Variants in TDRD5 observed in about 807,000 individuals in gnomAD.
The protein encoded by TDRD5 is tudor domain-containing protein 5.
TDRD5 carries 41 observed loss-of-function variants against 120.6 expected under a neutral mutation model. The observed-to-expected ratio is 0.34, with a 90% confidence interval of 0.26 to 0.44. The LOEUF is 0.44. TDRD5 is among the 20% of genes least tolerant of loss of function. The pLI is 1.00. For synonymous variants in TDRD5, 430 were observed against 433.7 expected (o/e 0.99, Z 0.11); for missense variants, 1,006 against 1,221.2 (o/e 0.82, Z 2.63).
chr1:179,635,202 C>T (rs993186869), intron 8 of TDRD5, among the ~76,000 whole-genome samples: 1 of 152,016 alleles, frequency 6.6e-6, no homozygotes, highest in African/African-American at 2.4e-5. Flanking sequence ...GAAGGAAGGC[C>T]TAGAGGAAAA....
intron 4 of TDRD5, among the ~76,000 whole-genome samples, chr1:179,611,216 A>G (rs1676258813): frequency 6.6e-6 from 1 of 151,860 alleles, no homozygotes; most frequent in Admixed American, 6.6e-5. Context: ...ATACTTGGCT[A>G]ATTTTGGTAT....
chr1:179,644,489 C>T (rs1678232522), intron 11 of TDRD5, among the ~76,000 whole-genome samples: 1 of 152,034 alleles, frequency 6.6e-6, no homozygotes, highest in African/African-American at 2.4e-5. Flanking sequence ...ATGTAATACT[C>T]ATTTTGTAAA....
chr1:179,635,925 C>G (rs771487980), intron 9 of TDRD5, 38 bp downstream of exon 9: 6 of 1,575,368 alleles, frequency 3.8e-6, no homozygotes, highest in Admixed American at 3.5e-5. Context: ...TTTCACATGT[C>G]TCTTAAATCA....
intron 12 of TDRD5, 30 bp downstream of exon 12, chr1:179,651,097 T>C (rs759652522): frequency 1.9e-6 from 3 of 1,608,370 alleles, no homozygotes; most frequent in South Asian, 2.2e-5. Flanking sequence ...TTTTGTAATA[T>C]ATTTTGTTTA....
At chr1:179,618,838 A>G (rs954464870) in intron 5 of TDRD5, among the ~76,000 whole-genome samples, 156 bp downstream of exon 5, 3 of 152,192 alleles carry the variant, frequency 2.0e-5, no homozygotes, top group Non-Finnish European at 4.4e-5. Context: ...AAGAAACAAA[A>G]TACGTACTCC....
chr1:179,661,928 A>T (rs549946287), intron 14 of TDRD5, among the ~76,000 whole-genome samples, 176 bp from the exon 15 acceptor site: 2 of 152,306 alleles, frequency 1.3e-5, no homozygotes, highest in South Asian at 4.1e-4. Flanking sequence ...GACTATAAAG[A>T]TTATATCCTA....
At chr1:179,679,711 T>C (rs1257135574) in intron 17 of TDRD5, among the ~76,000 whole-genome samples, 2 of 125,768 alleles carry the variant, frequency 1.6e-5, no homozygotes, top group South Asian at 2.6e-4. Flanking sequence ...GCCATCTTTT[T>C]CCCCCCATCT....
intron 7 of TDRD5, among the ~76,000 whole-genome samples, chr1:179,632,906 C>T (rs908124347): frequency 1.3e-5 from 2 of 152,146 alleles, no homozygotes; most frequent in Admixed American, 6.5e-5. Context: ...AGAACACTTA[C>T]ATTAGCCTAC....
Position 179,612,364 on chromosome 1 carries a change from G to A in TDRD5, c.832-6235G>A, listed in dbSNP as rs141924081. 3.7e-4 allele frequency among the ~76,000 whole-genome samples: 57 copies of A among 152,228 alleles called. No homozygotes were observed. The East Asian group carries it at 9.3e-3, about 25-fold the overall frequency. On this transcript the variant is annotated intron_variant, in intron 4 of 17. Coordinates refer to ENST00000444136, the MANE Select transcript of TDRD5 (RefSeq NM_001199085.3). The stretch of plus-strand genomic sequence containing the variant: ...CAGTTTAAAGCCTCTTTTGAAAGGC[G>A]TTCAATTTTCTTTATTTTGACTTCT...
intron 3 of TDRD5, among the ~76,000 whole-genome samples, chr1:179,595,390 TTAGA>T (rs1558366174): frequency 6.6e-6 from 1 of 152,124 alleles, no homozygotes; most frequent in South Asian, 2.1e-4. Flanking sequence ...AAGTGGACTT[TTAGA>T]TAGCCCCAAG....
At chr1:179,666,589 TG>T (rs1048709783) in intron 16 of TDRD5, among the ~76,000 whole-genome samples, 29 of 152,352 alleles carry the variant, frequency 1.9e-4, no homozygotes, top group African/African-American at 6.3e-4. Flanking sequence ...TTTGTAGGCT[TG>T]CTCCCTGTGG....
Position 179,670,328 on chromosome 1 carries a change from G to T in TDRD5, c.2860+924G>T, listed in dbSNP as rs552206484. On this transcript the variant is annotated intron_variant, in intron 17 of 17. Transcript: ENST00000444136. ...AATTGCTTGAACCCAGGCGGCAGAG[G>T]TTGCAGTGAGCCGAGATCGTGCCAC... Among the ~76,000 whole-genome samples the T allele has an allele frequency of 7.3e-5, 11 of 151,632 alleles. No homozygotes were observed. In the South Asian group the frequency reaches 8.3e-4, roughly 11 times the overall value.
chr1:179,648,979 A>G (rs2102056128), intron 11 of TDRD5, among the ~76,000 whole-genome samples: 1 of 152,218 alleles, frequency 6.6e-6, no homozygotes, highest in East Asian at 1.9e-4. Flanking sequence ...AGAAACATGG[A>G]TTTACTAAGT....
At chr1:179,684,440 T>C (rs563309819) in intron 17 of TDRD5, among the ~76,000 whole-genome samples, 3 of 152,158 alleles carry the variant, frequency 2.0e-5, no homozygotes, top group Non-Finnish European at 4.4e-5. Context: ...CTTAATCCAG[T>C]CTATCATTGA....
intron 4 of TDRD5, among the ~76,000 whole-genome samples, chr1:179,612,699 C>T (rs940618058): frequency 7.9e-5 from 12 of 151,982 alleles, no homozygotes; most frequent in African/African-American, 1.5e-4. Flanking sequence ...CTTTGGGAGG[C>T]GGAGGTGGGT....
At chr1:179,688,377 C>G (rs1680872359) in intron 17 of TDRD5, among the ~76,000 whole-genome samples, 1 of 143,480 alleles carries the variant, frequency 7.0e-6, no homozygotes, top group Non-Finnish European at 1.6e-5. Flanking sequence ...TTATCCCCCA[C>G]TCTCTTCTGG....
At chr1:179,659,590 T>TGCGC (rs1553332466) in intron 14 of TDRD5, among the ~76,000 whole-genome samples, 7 of 67,130 alleles carry the variant, frequency 1.0e-4, no homozygotes, top group African/African-American at 2.9e-4. Flanking sequence ...TGTGTGTGTG[T>TGCGC]GCGCGCGCTT....
In TDRD5 at chr1:179,593,661, T is replaced by C. The variant is rs748234257; in HGVS notation, c.434T>C (p.Leu145Ser). Residue 145 changes from leucine (L) to serine (S), a missense_variant, in exon 3 of 18, where the codon TTA (leucine) becomes TCA (serine). Physicochemically the swap from Leu to Ser is moderately radical, Grantham distance 145. This residue lies in a region of TDRD5 where 445 missense variants were observed against 515.5 expected (regional missense o/e 0.86). Coordinates refer to ENST00000444136, the MANE Select transcript of TDRD5 (RefSeq NM_001199085.3). ...VKSELKDLLA[L>S]SPVLLSDFEK... ...AGTGAGTTGAAGGACCTGTTGGCGT[T>C]ATCTCCTGTTCTTCTTTCTGATTTT... 1.9e-6 allele frequency: 3 copies of C among 1,614,272 alleles called. No homozygotes were observed. Among genetic ancestry groups the C allele is most frequent in the Middle Eastern group, 1.6e-4 (1 of 6,062 alleles).
At chr1:179,687,016 G>A (rs1383540659) in intron 17 of TDRD5, among the ~76,000 whole-genome samples, 2 of 152,100 alleles carry the variant, frequency 1.3e-5, no homozygotes, top group South Asian at 2.1e-4. Flanking sequence ...TTGATTTTTT[G>A]AAGGGTTTTT....
Sources: gnomAD v4.1 joint callset for allele counts (sites outside exome capture counted in the v4.1 genomes callset) on GRCh38, gnomAD v4.1.1 for gene constraint, gnomAD v4.1.1 regional missense constraint, MANE v1.5 for transcripts, NCBI Gene and HGNC (gene_info 2026-07-23, HGNC 2026-07-21) for gene names.